Variants in BCKDHB observed in about 807,000 individuals in gnomAD.
The protein encoded by BCKDHB is branched chain keto acid dehydrogenase E1 subunit beta.
Under a neutral mutation model 48.5 loss-of-function variants are expected in BCKDHB, and 41 were observed. The ratio of observed to expected loss-of-function variants is 0.85; its 90% CI spans 0.66 to 1.10. The LOEUF (loss-of-function observed/expected upper bound fraction) is 1.10. BCKDHB is among the 50% of genes least tolerant of loss of function. BCKDHB has a pLI of 0.00. For synonymous variants in BCKDHB, 201 were observed against 174.8 expected, an observed-to-expected ratio of 1.15 and a Z score of -1.18; for missense variants, 496 against 494.2, an observed-to-expected ratio of 1.00 and a Z score of -0.03.
intron 8 of BCKDHB, among the ~76,000 whole-genome samples, chr6:80,245,795 G>T (rs1776585758): frequency 6.6e-6 from 1 of 152,168 alleles, no homozygotes; most frequent in South Asian, 2.1e-4. Flanking sequence ...AAAAGAGAGG[G>T]CCGGGCACGG....
chr6:80,217,781 C>T (rs1194403899), intron 8 of BCKDHB, among the ~76,000 whole-genome samples: 1 of 152,162 alleles, frequency 6.6e-6, no homozygotes, highest in Non-Finnish European at 1.5e-5. Context: ...CATGCATGCT[C>T]ACTAAAAATA....
the BCKDHB span, among the ~76,000 whole-genome samples, chr6:80,358,977 C>T: frequency 6.6e-6 from 1 of 152,174 alleles, no homozygotes. Context: ...AAATCAATCA[C>T]TCTGAGAGGG....
chr6:80,413,492 T>C, the BCKDHB span, among the ~76,000 whole-genome samples: 5 of 152,200 alleles, frequency 3.3e-5, no homozygotes, highest in Non-Finnish European at 7.4e-5. Context: ...GTTGTTCTCC[T>C]CTATGTGTCC....
At chr6:80,111,181 A>T (rs1769389792) in intron 1 of BCKDHB, among the ~76,000 whole-genome samples, 1 of 152,208 alleles carries the variant, frequency 6.6e-6, no homozygotes, top group Admixed American at 6.5e-5. Flanking sequence ...ACTGGGAGGA[A>T]AGTTTTCCTA....
At chr6:80,349,714 A>G (rs1770342351), downstream of BCKDHB, among the ~76,000 whole-genome samples, 1 of 152,200 alleles carries the variant, frequency 6.6e-6, no homozygotes, top group South Asian at 2.1e-4. Context: ...AAAGGAATAC[A>G]TCATAGTGAA....
the BCKDHB span, among the ~76,000 whole-genome samples, chr6:80,456,959 T>A: frequency 6.6e-6 from 1 of 152,224 alleles, no homozygotes; most frequent in Non-Finnish European, 1.5e-5. Context: ...CACATTTCTG[T>A]TTTGTTTTCA....
intron 3 of BCKDHB, among the ~76,000 whole-genome samples, chr6:80,157,374 C>G (rs1410201242): frequency 6.6e-6 from 1 of 150,754 alleles, no homozygotes. Context: ...GTTCATTTTT[C>G]ATTCATTCAT....
intron 9 of BCKDHB, among the ~76,000 whole-genome samples, chr6:80,341,355 A>C (rs1408913219): frequency 6.6e-6 from 1 of 152,204 alleles, no homozygotes; most frequent in Non-Finnish European, 1.5e-5. Flanking sequence ...TTTATTACAA[A>C]ATTAATACTG....
chr6:80,388,369 G>T, the BCKDHB span, among the ~76,000 whole-genome samples: 1 of 152,172 alleles, frequency 6.6e-6, no homozygotes, highest in Non-Finnish European at 1.5e-5. Context: ...TGTGGACCTA[G>T]ACCCTGCCAT....
At chr6:80,353,261 G>T in the BCKDHB span, among the ~76,000 whole-genome samples, 2 of 152,102 alleles carry the variant, frequency 1.3e-5, no homozygotes, top group Non-Finnish European at 2.9e-5. Context: ...TCACTAAATA[G>T]TATTTCATTG....
At chr6:80,428,000 C>A in the BCKDHB span, among the ~76,000 whole-genome samples, 8 of 152,086 alleles carry the variant, frequency 5.3e-5, no homozygotes, top group Non-Finnish European at 1.2e-4. Context: ...TTAGGTATTT[C>A]TCCTAACGCT....
chr6:80,237,420 G>A (rs1413168604), intron 8 of BCKDHB, among the ~76,000 whole-genome samples: 1 of 152,148 alleles, frequency 6.6e-6, no homozygotes, highest in African/African-American at 2.4e-5. Flanking sequence ...AATTTACTAT[G>A]TAGGTGATTT....
chr6:80,372,762 A>G, the BCKDHB span, among the ~76,000 whole-genome samples: 56,610 of 151,700 alleles, frequency 0.37, 12,079 homozygotes, highest in East Asian at 0.66. Flanking sequence ...TATTGACTTG[A>G]GTATGTTAAA....
intron 8 of BCKDHB, among the ~76,000 whole-genome samples, chr6:80,260,140 C>G (rs1276381535): frequency 6.6e-6 from 1 of 152,098 alleles, no homozygotes; most frequent in Non-Finnish European, 1.5e-5. Flanking sequence ...ACTCTCACCG[C>G]TAGTTGCCTG....
intron 9 of BCKDHB, among the ~76,000 whole-genome samples, chr6:80,288,830 T>G (rs1766762168): frequency 6.6e-6 from 1 of 152,116 alleles, no homozygotes; most frequent in Non-Finnish European, 1.5e-5. Context: ...GATATTACTC[T>G]GAGAGTTAAG....
chr6:80,329,552 C>G (rs1302943473), intron 9 of BCKDHB, among the ~76,000 whole-genome samples: 1 of 152,164 alleles, frequency 6.6e-6, no homozygotes, highest in Non-Finnish European at 1.5e-5. Flanking sequence ...CCATCAGACA[C>G]TGTGGTTGCA....
chr6:80,164,172 A>G (rs1772459566), intron 3 of BCKDHB, among the ~76,000 whole-genome samples: 1 of 152,128 alleles, frequency 6.6e-6, no homozygotes, highest in African/African-American at 2.4e-5. Context: ...AGGGTTTACA[A>G]TGTCCTCCAG....
intron 7 of BCKDHB, 23 bp from the exon 8 acceptor site, chr6:80,203,079 G>GC: frequency 6.6e-7 from 1 of 1,511,716 alleles, no homozygotes; most frequent in Non-Finnish European, 9.2e-7. Context: ...GTCATTCTCT[G>GC]CATATTTTTC....
chr6:80,402,198 T>C, the BCKDHB span, among the ~76,000 whole-genome samples: 1 of 151,874 alleles, frequency 6.6e-6, no homozygotes. Flanking sequence ...TCCATACTTT[T>C]TTGCATGATG....
Sources: allele counts gnomAD v4.1 joint callset (sites outside exome capture counted in the v4.1 genomes callset), GRCh38; gene constraint gnomAD v4.1.1; transcripts MANE v1.5; gene names NCBI Gene and HGNC (gene_info 2026-07-23, HGNC 2026-07-21).